The following JAZF1 variants were observed in gnomAD, a reference collection of about 807,000 sequenced individuals.
The protein encoded by JAZF1 is juxtaposed with another zinc finger protein 1.
A neutral mutation model predicts 26.4 loss-of-function variants in JAZF1; 8 were observed. The observed-to-expected ratio is 0.30, with a 90% CI of 0.18 to 0.55. The LOEUF is 0.55. Among genes scored for constraint, JAZF1 ranks in the 20% least tolerant of loss-of-function variants. The probability of loss-of-function intolerance (pLI) is 0.94; values close to 1 mark genes in which losing one functional copy is unlikely to be tolerated. For missense variants in JAZF1, 199 were observed against 322.0 expected, an observed-to-expected ratio of 0.62 and a Z score of 2.92; for synonymous variants, 126 against 122.3, an observed-to-expected ratio of 1.03 and a Z score of -0.20.
intron 3 of JAZF1, among the ~76,000 whole-genome samples, chr7:27,858,647 A>T (rs1783318122): frequency 1.3e-5 from 2 of 152,250 alleles, no homozygotes; most frequent in Admixed American, 1.3e-4. Context: ...TCCCTATTTA[A>T]TAAATGCTGT....
At chr7:28,031,903 G>A (rs960137948) in intron 1 of JAZF1, among the ~76,000 whole-genome samples, 2 of 152,064 alleles carry the variant, frequency 1.3e-5, no homozygotes, top group African/African-American at 2.4e-5. Context: ...AAAAGAAAAT[G>A]GGCTTCTTTT....
intron 2 of JAZF1, among the ~76,000 whole-genome samples, chr7:27,989,197 C>T (rs1435965455): frequency 6.6e-6 from 1 of 152,098 alleles, no homozygotes; most frequent in African/African-American, 2.4e-5. Flanking sequence ...GAAAGGATTC[C>T]CTATTTAATA....
At chr7:27,850,373 T>C (rs1215740846) in intron 3 of JAZF1, among the ~76,000 whole-genome samples, 2 of 152,244 alleles carry the variant, frequency 1.3e-5, no homozygotes, top group African/African-American at 4.8e-5. Flanking sequence ...ATTACTGGAA[T>C]GTCATTCTCC....
At chr7:27,951,447 G>A (rs1048658200) in intron 2 of JAZF1, among the ~76,000 whole-genome samples, 1 of 152,158 alleles carries the variant, frequency 6.6e-6, no homozygotes, top group Non-Finnish European at 1.5e-5. Flanking sequence ...GAATAAAAAG[G>A]AAAAGCATGC....
intron 1 of JAZF1, among the ~76,000 whole-genome samples, chr7:28,138,447 A>G (rs1048464812): frequency 7.2e-5 from 11 of 152,256 alleles, no homozygotes; most frequent in Non-Finnish European, 1.5e-4. Flanking sequence ...CTATTTCAAC[A>G]GTAATTATTA....
intron 1 of JAZF1, among the ~76,000 whole-genome samples, chr7:28,162,384 T>C (rs757743514): frequency 1.3e-5 from 2 of 152,222 alleles, no homozygotes; most frequent in African/African-American, 2.4e-5. Context: ...GAACACAAAG[T>C]TTCATCCTCA....
chr7:28,088,485 CT>C (rs1784243105), intron 1 of JAZF1, among the ~76,000 whole-genome samples: 1 of 152,198 alleles, frequency 6.6e-6, no homozygotes, highest in Admixed American at 6.5e-5. Flanking sequence ...TCAAACACAC[CT>C]TTCCTTTTCC....
At chr7:27,862,450 C>T (rs955212788) in intron 3 of JAZF1, among the ~76,000 whole-genome samples, 1 of 151,566 alleles carries the variant, frequency 6.6e-6, no homozygotes, top group African/African-American at 2.4e-5. Context: ...AGGTATAATT[C>T]ACATACTATA....
chr7:28,076,848 A>G (rs1424090134), intron 1 of JAZF1, among the ~76,000 whole-genome samples: 1 of 152,190 alleles, frequency 6.6e-6, no homozygotes, highest in Non-Finnish European at 1.5e-5. Flanking sequence ...TTTTCCAGGT[A>G]GATCATAGCA....
At chr7:27,899,260 T>C (rs766552887) in intron 2 of JAZF1, among the ~76,000 whole-genome samples, 13 of 152,240 alleles carry the variant, frequency 8.5e-5, no homozygotes, top group Non-Finnish European at 1.5e-4. Context: ...GCTGTGATTC[T>C]GGCCAACAAA....
chr7:28,102,254 T>C (rs967138433), intron 1 of JAZF1, among the ~76,000 whole-genome samples: 2 of 152,242 alleles, frequency 1.3e-5, no homozygotes, highest in African/African-American at 4.8e-5. Flanking sequence ...CACAAGCAAA[T>C]GTCTTTATCT....
chr7:27,996,010 C>T (rs1218296060), intron 1 of JAZF1, among the ~76,000 whole-genome samples: 2 of 152,198 alleles, frequency 1.3e-5, no homozygotes, highest in African/African-American at 2.4e-5. Context: ...GTGAAGCCCA[C>T]GTTGATCCTC....
At chr7:27,868,661 G>A (rs1340854546) in intron 3 of JAZF1, among the ~76,000 whole-genome samples, 1 of 152,182 alleles carries the variant, frequency 6.6e-6, no homozygotes, top group East Asian at 1.9e-4. Context: ...TGACTTATAA[G>A]CATTAACTCT....
intron 1 of JAZF1, among the ~76,000 whole-genome samples, chr7:27,994,828 T>C (rs557431526): frequency 4.6e-5 from 7 of 152,180 alleles, no homozygotes; most frequent in Non-Finnish European, 1.0e-4. Context: ...AATTATGCTG[T>C]TGAGCACTTC....
At chr7:27,862,917 C>T (rs556577404) in intron 3 of JAZF1, among the ~76,000 whole-genome samples, 6 of 152,298 alleles carry the variant, frequency 3.9e-5, no homozygotes, top group Admixed American at 2.6e-4. Flanking sequence ...TACTCCTGCC[C>T]TAAGACATGG....
intron 2 of JAZF1, among the ~76,000 whole-genome samples, chr7:27,951,761 T>C (rs944361522): frequency 1.3e-5 from 2 of 152,190 alleles, no homozygotes; most frequent in African/African-American, 4.8e-5. Flanking sequence ...CTCAGCCATC[T>C]CCTAGTTTTA....
intron 1 of JAZF1, among the ~76,000 whole-genome samples, chr7:28,112,298 C>T (rs1231818986): frequency 6.6e-6 from 1 of 152,156 alleles, no homozygotes; most frequent in East Asian, 1.9e-4. Flanking sequence ...TTCACTGAAG[C>T]AAAACTTGGA....
intron 4 of JAZF1, among the ~76,000 whole-genome samples, chr7:27,834,179 T>TG: frequency 6.6e-6 from 1 of 152,232 alleles, no homozygotes; most frequent in East Asian, 1.9e-4. Flanking sequence ...TGTTGTCTCA[T>TG]GAATACCTAG....
chr7:27,908,441 T>C (rs1012360429), intron 2 of JAZF1, among the ~76,000 whole-genome samples: 1 of 151,952 alleles, frequency 6.6e-6, no homozygotes, highest in Non-Finnish European at 1.5e-5. Flanking sequence ...GTTTTGGGGG[T>C]TGATTTTTTT....
Sources: allele counts gnomAD v4.1 joint callset (sites outside exome capture counted in the v4.1 genomes callset), GRCh38; gene constraint gnomAD v4.1.1; transcripts MANE v1.5; gene names NCBI Gene and HGNC (gene_info 2026-07-23, HGNC 2026-07-21).